THRA: variants seen among roughly 807,000 people sequenced by gnomAD.
The protein encoded by THRA is EAR-7.
In THRA, 13 loss-of-function variants were observed where a neutral mutation model predicts 45.0. That is an observed-to-expected ratio of 0.29 (90% CI 0.19 to 0.46). The LOEUF (loss-of-function observed/expected upper bound fraction) is 0.46, where lower values mean the gene tolerates loss of function less well. Ranked by LOEUF, THRA falls within the 20% of genes least tolerant of loss-of-function variation. The pLI, the probability that THRA is intolerant of heterozygous loss-of-function variation, is 1.00. For missense variants in THRA, 278 were observed against 556.1 expected, an observed-to-expected ratio of 0.50 and a Z score of 5.03; for synonymous variants, 195 against 214.0, an observed-to-expected ratio of 0.91 and a Z score of 0.78.
At position 40,091,986 on chromosome 17, in the gene THRA, G is replaced by C. The variant is rs1239009381; in HGVS notation, c.*2530G>C. 6 of 152,680 alleles carry C rather than the reference G, an allele frequency of 3.9e-5. No homozygotes were observed. The highest frequency in any genetic ancestry group is 1.4e-4 in the African/African-American group (6 of 41,514). 9.5% of individuals were successfully genotyped at this position (152,680 alleles called of 1,614,324 possible). A position where few individuals can be genotyped will look rare whatever the true frequency, so the allele number is the denominator to read the frequency against. ...CCCAGTATTGGCCCGGGGCACTAGGGCAGGCAGGGTGGAGCAGCAGGTGCA... is the reference window on the plus strand; with the variant it reads ...CCCAGTATTGGCCCGGGGCACTAGGCCAGGCAGGGTGGAGCAGCAGGTGCA... On this transcript the variant is annotated 3_prime_UTR_variant, in exon 9 of 9. Coordinates refer to ENST00000450525, the MANE Select transcript of THRA (RefSeq NM_199334.5).
At chr17:40,067,174 C>G (rs1986604962) in intron 1 of THRA, among the ~76,000 whole-genome samples, 1 of 151,948 alleles carries the variant, frequency 6.6e-6, no homozygotes, top group Non-Finnish European at 1.5e-5. Flanking sequence ...GAGCCCAAGG[C>G]AGGCCCCTCT....
Position 40,089,534 on chromosome 17 carries a change from A to G in THRA, c.*78A>G. The G allele has an allele frequency of 1.9e-6, 3 of 1,542,430 alleles. No individual in the cohort carries two copies. In the South Asian group the frequency reaches 3.7e-5, roughly 19 times the overall value. Reference sequence around the variant, plus strand: ...AAGGGGCAGAGCTGGGGGCTGAGGGAGACCCCCCCACACCCCTTCTCTCCT... The same window carrying G: ...AAGGGGCAGAGCTGGGGGCTGAGGGGGACCCCCCCACACCCCTTCTCTCCT... On this transcript the variant is annotated 3_prime_UTR_variant, in exon 9 of 9. Transcript: ENST00000450525. The surrounding 1 kb of genome is among the most constrained non-coding windows in gnomAD (Gnocchi z 6.1).
intron 4 of THRA, among the ~76,000 whole-genome samples, chr17:40,078,578 G>A (rs1324332671): frequency 6.6e-6 from 1 of 152,174 alleles, no homozygotes; most frequent in African/African-American, 2.4e-5. Context: ...GTATTCTTAG[G>A]TGTGAGAGTG....
chr17:40,086,579 C>A, intron 6 of THRA, 128 bp from the exon 7 acceptor site: 1 of 1,185,116 alleles, frequency 8.4e-7, no homozygotes, highest in Non-Finnish European at 1.2e-6. Context: ...AAGCTTTGGG[C>A]CTGGGACTCA....
intron 7 of THRA, among the ~76,000 whole-genome samples, chr17:40,087,288 GAC>G (rs749783417): frequency 5.4e-5 from 6 of 110,442 alleles, no homozygotes; most frequent in Non-Finnish European, 9.1e-5. Flanking sequence ...CAGATACATA[GAC>G]ACACACACAC....
chr17:40,084,334 T>C, intron 5 of THRA: 3 of 511,610 alleles, frequency 5.9e-6, no homozygotes, highest in East Asian at 3.5e-5. Context: ...GGCTGGGGAT[T>C]GGGTGGCAGG....
chr17:40,085,636 CTA>C (rs1283531659), intron 6 of THRA, among the ~76,000 whole-genome samples: 1 of 150,476 alleles, frequency 6.6e-6, no homozygotes, highest in African/African-American at 2.5e-5. Context: ...TGCCCACCCT[CTA>C]TGAATAATTT....
At position 40,092,657 on chromosome 17, in the gene THRA, T is replaced by G; in HGVS notation, c.*3201T>G. 4.9e-6 allele frequency: 1 copy of G among 202,144 alleles called. No homozygotes were observed. Among genetic ancestry groups the G allele is most frequent in the Non-Finnish European group, 1.0e-5 (1 of 98,220 alleles). The allele number at this position is 202,144 out of a possible 1,614,324, so 12.5% of individuals were successfully genotyped here. ...CTTGGGCACCCCCCTTAGACTTGTGTGCTGTTTCCCTATATCCTCCCATCT... is the reference window on the plus strand; with the variant it reads ...CTTGGGCACCCCCCTTAGACTTGTGGGCTGTTTCCCTATATCCTCCCATCT... On this transcript the variant is annotated 3_prime_UTR_variant, in exon 9 of 9. Coordinates refer to ENST00000450525, the MANE Select transcript of THRA (RefSeq NM_199334.5).
chr17:40,090,154 CCTT>C lies in THRA; in HGVS notation c.*703_*705del. 2.7e-6 allele frequency: 1 copy of C among 368,022 alleles called. No homozygotes were observed. Among genetic ancestry groups the C allele is most frequent in the Non-Finnish European group, 3.7e-6 (1 of 266,734 alleles). 22.8% of individuals were successfully genotyped at this position (368,022 alleles called of 1,614,324 possible). A position where few individuals can be genotyped will look rare whatever the true frequency, so the allele number is the denominator to read the frequency against. On this transcript the variant is annotated 3_prime_UTR_variant, in exon 9 of 9. Transcript: ENST00000450525. ...CACCCCATGCACTTTGCGAGCTGCCCCTTCTTCCCCCACATCAGAGAGAAATGC... is the reference window on the plus strand; with the variant it reads ...CACCCCATGCACTTTGCGAGCTGCCCCTTCCCCCACATCAGAGAGAAATGC...
chr17:40,084,316 C>A, intron 5 of THRA: 1 of 509,858 alleles, frequency 2.0e-6, no homozygotes. Context: ...GACAGGGCAT[C>A]TTCCATTGGC....
In THRA at chr17:40,083,927, T is replaced by C; in HGVS notation, c.315T>C (p.Asn105=). ...SCCVIDKITR[N]QCQLCRFKKC... ...GTGTCATTGACAAGATCACCCGCAA[T>C]CAGTGCCAGCTGTGCCGCTTCAAGA... is the stretch of plus-strand genomic sequence containing the variant. Residue 105 remains asparagine (N), a synonymous_variant, in exon 5 of 9, where the codon AAT becomes AAC. Transcript: ENST00000450525. 7 of 1,613,938 alleles carry C rather than the reference T, an allele frequency of 4.3e-6. No homozygotes were observed. Among genetic ancestry groups the C allele is most frequent in the Non-Finnish European group, 5.9e-6 (7 of 1,179,908 alleles).
At chr17:40,093,022 G>A (rs1987643176), downstream of THRA, 5 of 1,610,518 alleles carry the variant, frequency 3.1e-6, no homozygotes, top group African/African-American at 4.0e-5. This position sits in a 1 kb window ranked among gnomAD's most constrained non-coding sequence, Gnocchi z 5.9. Flanking sequence ...TCGTAAAGGA[G>A]AGAGAAGTGC....
intron 1 of THRA, among the ~76,000 whole-genome samples, chr17:40,064,794 G>C (rs1986493515): frequency 6.6e-6 from 1 of 152,154 alleles, no homozygotes; most frequent in African/African-American, 2.4e-5. Flanking sequence ...TTGATTGACT[G>C]TGGAACCTGC....
chr17:40,064,104 A>G (rs916408897), intron 1 of THRA, among the ~76,000 whole-genome samples: 1 of 152,200 alleles, frequency 6.6e-6, no homozygotes, highest in South Asian at 2.1e-4. Flanking sequence ...ACACCCAGGC[A>G]GACTCAAGGA....
At chr17:40,087,056 C>T (rs1037587661) in intron 7 of THRA, 8 of 620,958 alleles carry the variant, frequency 1.3e-5, no homozygotes, top group South Asian at 7.8e-5. Flanking sequence ...GACACATACA[C>T]GGACACACAC....
intron 6 of THRA, 108 bp from the exon 7 acceptor site, chr17:40,086,599 G>T: frequency 2.1e-6 from 3 of 1,403,022 alleles, no homozygotes; most frequent in Non-Finnish European, 2.9e-6. Flanking sequence ...AGGCACGGGC[G>T]GCCCCTCTTC....
At chr17:40,068,243 T>C (rs144336357) in intron 1 of THRA, among the ~76,000 whole-genome samples, 1 of 152,290 alleles carries the variant, frequency 6.6e-6, no homozygotes, top group Non-Finnish European at 1.5e-5. Flanking sequence ...CTAGAGACAA[T>C]GGTTCCTGTC....
At chr17:40,077,252 C>T (rs1191016413) in intron 3 of THRA, among the ~76,000 whole-genome samples, 1 of 152,142 alleles carries the variant, frequency 6.6e-6, no homozygotes, top group Non-Finnish European at 1.5e-5. Flanking sequence ...GTTTATTTTT[C>T]CCTCTCCACC....
intron 1 of THRA, among the ~76,000 whole-genome samples, chr17:40,066,040 A>G (rs994747481): frequency 6.6e-6 from 1 of 152,204 alleles, no homozygotes; most frequent in East Asian, 1.9e-4. Flanking sequence ...GGCCCACCTC[A>G]GAGATGCCCA....
Sources: gnomAD v4.1 joint callset for allele counts (sites outside exome capture counted in the v4.1 genomes callset) on GRCh38, gnomAD v4.1.1 for gene constraint, Gnocchi (gnomAD v3.1) non-coding constraint, MANE v1.5 for transcripts, NCBI Gene and HGNC (gene_info 2026-07-23, HGNC 2026-07-21) for gene names.